RAP1GAP2: variants seen among roughly 807,000 people sequenced by gnomAD.
RAP1GAP2 encodes the protein RAP1 GTPase activating protein 2.
Under a neutral mutation model 95.0 loss-of-function variants are expected in RAP1GAP2, and 27 were observed. The ratio of observed to expected loss-of-function variants is 0.28; its 90% CI spans 0.21 to 0.39. The LOEUF (loss-of-function observed/expected upper bound fraction) is 0.39. RAP1GAP2 is among the 10% of genes least tolerant of loss of function. RAP1GAP2 has a pLI of 1.00. For missense variants in RAP1GAP2, 771 were observed against 970.0 expected (o/e 0.79, Z 2.72); for synonymous variants, 373 against 380.9 (o/e 0.98, Z 0.24).
rs879226258 is a variant in RAP1GAP2, at chr17:3,037,377, C to CCCCCCCCCCCCG, written c.*4016_*4017insCCCCCCCCCCCG. On this transcript the variant is annotated 3_prime_UTR_variant, in exon 25 of 25. Transcript: ENST00000254695. Reference sequence around the variant, plus strand: ...GAAGTGTGAACTACCCCCCCCCCCCCGCTTCCTGCTCCTTAGCATGCGTGC... The same window carrying CCCCCCCCCCCCG: ...GAAGTGTGAACTACCCCCCCCCCCCCCCCCCCCCCCCGGCTTCCTGCTCCTTAGCATGCGTGC... The CCCCCCCCCCCCG allele has an allele frequency of 2.7e-4, 15 of 54,998 alleles. 3 individuals carry two copies. The highest frequency in any genetic ancestry group is 7.2e-4 in the Non-Finnish European group (13 of 17,978). 3.4% of individuals were successfully genotyped at this position (54,998 alleles called of 1,614,324 possible).
intron 3 of RAP1GAP2, among the ~76,000 whole-genome samples, chr17:2,926,619 C>G (rs2042963413): frequency 6.6e-6 from 1 of 152,078 alleles, no homozygotes; most frequent in Admixed American, 6.6e-5. Context: ...TCACAAATAC[C>G]CACACACTTA....
chr17:3,004,093 C>T lies in RAP1GAP2; in HGVS notation c.1201-1276C>T, dbSNP rs570189571. Among the ~76,000 whole-genome samples, 278 of 152,326 alleles carry T rather than the reference C, an allele frequency of 1.8e-3. 1 individual carries two copies. Among genetic ancestry groups the T allele is most frequent in the African/African-American group, 6.5e-3 (272 of 41,580 alleles). On this transcript the variant is annotated intron_variant, in intron 14 of 24. Transcript: ENST00000254695. This position sits in a 1 kb window ranked among gnomAD's most constrained non-coding sequence, Gnocchi z 4.1. ...CCACGGTCTGCAGTCTCCCCATAGC[C>T]TTCCCACACCCCCACCCCTGATTCT...
intron 3 of RAP1GAP2, among the ~76,000 whole-genome samples, chr17:2,930,657 C>T (rs556063694): frequency 3.3e-5 from 5 of 152,310 alleles, no homozygotes; most frequent in South Asian, 4.1e-4. Flanking sequence ...GAAAAGCTGT[C>T]GGATTGTAAG....
chr17:2,953,996 C>T (rs1237763724), intron 3 of RAP1GAP2, among the ~76,000 whole-genome samples: 1 of 152,190 alleles, frequency 6.6e-6, no homozygotes, highest in African/African-American at 2.4e-5. Flanking sequence ...TCCAATCCCC[C>T]ATCCCCCTCA....
At chr17:2,755,874 G>C (rs2071129904) in intron 1 of RAP1GAP2, 1 of 314,414 alleles carries the variant, frequency 3.2e-6, no homozygotes, top group Non-Finnish European at 5.8e-6. Flanking sequence ...CCCGGGCTGA[G>C]GCTGCGGGGC....
intron 2 of RAP1GAP2, among the ~76,000 whole-genome samples, chr17:2,831,762 G>A (rs928778839): frequency 6.6e-6 from 1 of 152,064 alleles, no homozygotes; most frequent in Non-Finnish European, 1.5e-5. Flanking sequence ...AGATGTGGTG[G>A]TGCACACCTG....
chr17:2,890,890 T>C (rs2073690507), intron 2 of RAP1GAP2, among the ~76,000 whole-genome samples: 1 of 151,890 alleles, frequency 6.6e-6, no homozygotes, highest in Admixed American at 6.6e-5. Flanking sequence ...TTCACTGTGT[T>C]AGTCAGGATG....
At chr17:2,801,946 G>A (rs191034977) in intron 2 of RAP1GAP2, among the ~76,000 whole-genome samples, 67 of 152,174 alleles carry the variant, frequency 4.4e-4, no homozygotes, top group African/African-American at 1.5e-3. Flanking sequence ...TGTAGCCTGC[G>A]TCCAGCTGCA....
chr17:2,768,021 C>T (rs1029816252), intron 1 of RAP1GAP2, among the ~76,000 whole-genome samples: 13 of 152,120 alleles, frequency 8.5e-5, no homozygotes, highest in East Asian at 3.9e-4. Flanking sequence ...CGTGAGCCAC[C>T]GTACGTGGCC....
At chr17:2,780,230 C>T (rs990461924) in intron 1 of RAP1GAP2, among the ~76,000 whole-genome samples, 7 of 152,158 alleles carry the variant, frequency 4.6e-5, no homozygotes, top group African/African-American at 1.7e-4. Flanking sequence ...TTTGTATTTT[C>T]AGTAGGGACA....
rs117483912 is a variant in RAP1GAP2, at chr17:2,893,666, C to T, written c.81-11618C>T. On this transcript the variant is annotated intron_variant, in intron 2 of 24. Transcript: ENST00000254695. ...AGTGGTTTCTGAAGCTGCCGGAGGC[C>T]GTGACCTTGTGCGCTGGCTGCCTCT... Among the ~76,000 whole-genome samples, 330 of 152,330 alleles carry T rather than the reference C, an allele frequency of 2.2e-3. 5 individuals carry two copies. The highest frequency in any genetic ancestry group is 0.016 in the Admixed American group (244 of 15,296).
At chr17:2,789,841 G>T (rs1028931897) in intron 1 of RAP1GAP2, among the ~76,000 whole-genome samples, 26 of 151,690 alleles carry the variant, frequency 1.7e-4, no homozygotes, top group African/African-American at 6.0e-4. Context: ...ATATGTCTGG[G>T]CCCTGCTCTT....
At chr17:2,925,341 A>G (rs1244220595) in intron 3 of RAP1GAP2, among the ~76,000 whole-genome samples, 1 of 152,212 alleles carries the variant, frequency 6.6e-6, no homozygotes. Flanking sequence ...AAGAGGTTTA[A>G]TTGACTCACA....
Position 2,796,578 on chromosome 17 carries a change from G to A in RAP1GAP2, c.44+7G>A. 4 of 1,560,378 alleles carry A rather than the reference G, an allele frequency of 2.6e-6. No homozygotes were observed. The highest frequency in any genetic ancestry group is 3.5e-6 in the Non-Finnish European group (4 of 1,151,956). On this transcript the variant is annotated splice_region_variant and intron_variant, in intron 1 of 24. Coordinates refer to ENST00000254695, the MANE Select transcript of RAP1GAP2 (RefSeq NM_015085.5). The surrounding 1 kb of genome is among the most constrained non-coding windows in gnomAD (Gnocchi z 4.7). The stretch of plus-strand genomic sequence containing the variant: ...CCTTTGGGGGCTTCGGATGGTGGGT[G>A]ACAGGTGGGAGGGTGGGGGAATGAT...
chr17:2,869,097 C>T (rs2072735881), intron 2 of RAP1GAP2, among the ~76,000 whole-genome samples: 1 of 152,138 alleles, frequency 6.6e-6, no homozygotes. Context: ...GGCTTCACTC[C>T]TCCTGACCCA....
Position 2,968,490 on chromosome 17 carries a change from C to G in RAP1GAP2, c.596+2847C>G, listed in dbSNP as rs79021434. On this transcript the variant is annotated intron_variant, in intron 8 of 24. Transcript: ENST00000254695. ...CTTAAATCTGAAAATCAAAATGACTCACCCATTAACAGACAAAATCAATGA... is the reference window on the plus strand; with the variant it reads ...CTTAAATCTGAAAATCAAAATGACTGACCCATTAACAGACAAAATCAATGA... 6.5e-3 allele frequency among the ~76,000 whole-genome samples: 994 copies of G among 152,162 alleles called. 22 individuals carry two copies. In the East Asian group the frequency reaches 0.075, roughly 11 times the overall value.
intron 3 of RAP1GAP2, among the ~76,000 whole-genome samples, chr17:2,910,015 A>G (rs777086086): frequency 6.6e-6 from 1 of 152,194 alleles, no homozygotes; most frequent in Non-Finnish European, 1.5e-5. Context: ...CTAACCACCC[A>G]TGAGGGATTT....
intron 2 of RAP1GAP2, among the ~76,000 whole-genome samples, chr17:2,808,038 G>A (rs577689926): frequency 1.3e-5 from 2 of 152,200 alleles, no homozygotes; most frequent in African/African-American, 4.8e-5. Context: ...GTAACCTGGG[G>A]ATCCAACCTG....
At chr17:2,911,282 A>G (rs2042372699) in intron 3 of RAP1GAP2, among the ~76,000 whole-genome samples, 2 of 97,722 alleles carry the variant, frequency 2.0e-5, no homozygotes, top group South Asian at 3.4e-4. Flanking sequence ...TGCTAATATG[A>G]AGCTGATAAA....
Sources: gnomAD v4.1 joint callset for allele counts (sites outside exome capture counted in the v4.1 genomes callset) on GRCh38, gnomAD v4.1.1 for gene constraint, Gnocchi (gnomAD v3.1) non-coding constraint, MANE v1.5 for transcripts, NCBI Gene and HGNC (gene_info 2026-07-23, HGNC 2026-07-21) for gene names.